Variants in MACROD2 observed in about 807,000 individuals in gnomAD.
The protein encoded by MACROD2 is ADP-ribose glycohydrolase MACROD2.
Under a neutral mutation model 70.4 loss-of-function variants are expected in MACROD2, and 36 were observed. The observed-to-expected ratio is 0.51, with a 90% CI of 0.39 to 0.68. The LOEUF is 0.68. Ranked by LOEUF, MACROD2 falls within the 30% of genes least tolerant of loss-of-function variation. The pLI, the probability that MACROD2 is intolerant of heterozygous loss-of-function variation, is 0.00. For synonymous variants in MACROD2, 172 were observed against 178.8 expected (o/e 0.96, Z 0.30); for missense variants, 496 against 538.4 (o/e 0.92, Z 0.78).
chr20:14,505,801 G>C (rs866523707), intron 4 of MACROD2, among the ~76,000 whole-genome samples: 1 of 152,158 alleles, frequency 6.6e-6, no homozygotes, highest in Non-Finnish European at 1.5e-5. Context: ...AGGATTTTAG[G>C]TTATGGCAGA....
intron 7 of MACROD2, among the ~76,000 whole-genome samples, chr20:15,498,396 C>T (rs1191335844): frequency 1.3e-5 from 2 of 152,196 alleles, no homozygotes; most frequent in Non-Finnish European, 2.9e-5. Context: ...CGCAACGTCT[C>T]TCTCTTTCTG....
At chr20:14,318,633 G>A (rs1601468749) in intron 3 of MACROD2, among the ~76,000 whole-genome samples, 1 of 152,116 alleles carries the variant, frequency 6.6e-6, no homozygotes. Flanking sequence ...GGTTATTCTT[G>A]TTCTTCTTTT....
intron 2 of MACROD2, among the ~76,000 whole-genome samples, chr20:14,058,444 A>C (rs1160087044): frequency 6.0e-5 from 9 of 150,474 alleles, no homozygotes; most frequent in African/African-American, 2.2e-4. Context: ...AAAAATACAA[A>C]AAAAAAAATG....
At chr20:14,121,491 T>A (rs1426582925) in intron 3 of MACROD2, among the ~76,000 whole-genome samples, 1 of 152,226 alleles carries the variant, frequency 6.6e-6, no homozygotes, top group African/African-American at 2.4e-5. Context: ...GGTTGGACTC[T>A]GGAGGGGTTT....
intron 8 of MACROD2, among the ~76,000 whole-genome samples, chr20:15,681,185 T>C (rs2050155181): frequency 6.6e-6 from 1 of 152,228 alleles, no homozygotes; most frequent in African/African-American, 2.4e-5. Flanking sequence ...TTGGGTCTTG[T>C]ACTCTTGGTT....
At chr20:15,541,764 A>G (rs1291822885) in intron 8 of MACROD2, among the ~76,000 whole-genome samples, 1 of 152,226 alleles carries the variant, frequency 6.6e-6, no homozygotes, top group Non-Finnish European at 1.5e-5. Context: ...GGTAGATGCT[A>G]AATACATCCA....
At position 15,292,266 on chromosome 20, in the gene MACROD2, AAAC is replaced by A. The variant is rs2077547176; in HGVS notation, c.540+62208_540+62210del. Among the ~76,000 whole-genome samples the A allele has an allele frequency of 2.0e-5, 3 of 152,340 alleles. No individual in the cohort carries two copies. In the South Asian group the frequency reaches 6.2e-4, roughly 32 times the overall value. On this transcript the variant is annotated intron_variant, in intron 6 of 17. Transcript: ENST00000684519. ...TGGTGCTTTGGAATTGTATAACTGTAAACAAGCTAATTAACTTATCTAATCTAT... is the reference window on the plus strand; with the variant it reads ...TGGTGCTTTGGAATTGTATAACTGTAAAGCTAATTAACTTATCTAATCTAT...
intron 8 of MACROD2, among the ~76,000 whole-genome samples, chr20:15,681,120 G>A (rs1465513862): frequency 1.3e-5 from 2 of 152,158 alleles, no homozygotes; most frequent in African/African-American, 4.8e-5. Context: ...TCTTACCAAG[G>A]TACAGGCAAG....
chr20:14,553,791 T>TAAAGACCA, intron 4 of MACROD2, among the ~76,000 whole-genome samples: 2 of 152,142 alleles, frequency 1.3e-5, no homozygotes, highest in Non-Finnish European at 2.9e-5. Flanking sequence ...ACCATCAAAG[T>TAAAGACCA]TGGTCTTACA....
intron 3 of MACROD2, among the ~76,000 whole-genome samples, chr20:14,328,607 CG>C (rs1432769190): frequency 6.6e-6 from 1 of 151,934 alleles, no homozygotes; most frequent in Non-Finnish European, 1.5e-5. Flanking sequence ...GTAAATTTTG[CG>C]GGGGTGAATA....
intron 9 of MACROD2, among the ~76,000 whole-genome samples, chr20:15,872,742 T>G (rs1173364419): frequency 6.6e-6 from 1 of 152,178 alleles, no homozygotes; most frequent in Non-Finnish European, 1.5e-5. Flanking sequence ...AGAAGTAAGA[T>G]AGGTTTATAG....
Position 15,860,802 on chromosome 20 carries a change from C to T in MACROD2, c.646-1943C>T, listed in dbSNP as rs186179103. On this transcript the variant is annotated intron_variant, in intron 8 of 17. Transcript: ENST00000684519. ...CTCATCATTCTCAAAAAGTTATGTGCGATATTCCTGAGGCACTTTAAATTT... is the reference window on the plus strand; with the variant it reads ...CTCATCATTCTCAAAAAGTTATGTGTGATATTCCTGAGGCACTTTAAATTT... Among the ~76,000 whole-genome samples the T allele has an allele frequency of 2.0e-4, 30 of 152,206 alleles. 1 individual carries two copies. Among genetic ancestry groups the T allele is most frequent in the African/African-American group, 5.3e-4 (22 of 41,530 alleles).
intron 7 of MACROD2, among the ~76,000 whole-genome samples, chr20:15,441,244 G>A (rs1397459320): frequency 6.6e-6 from 1 of 152,000 alleles, no homozygotes; most frequent in African/African-American, 2.4e-5. Flanking sequence ...GACTCCTCTC[G>A]TGCTCTCCAT....
At chr20:15,849,745 A>C (rs1182130542) in intron 8 of MACROD2, among the ~76,000 whole-genome samples, 1 of 152,194 alleles carries the variant, frequency 6.6e-6, no homozygotes, top group Non-Finnish European at 1.5e-5. Context: ...AAATAAAAGA[A>C]AGAGGAAGCA....
chr20:15,629,269 G>A (rs1015978855), intron 8 of MACROD2, among the ~76,000 whole-genome samples: 1 of 152,146 alleles, frequency 6.6e-6, no homozygotes, highest in Admixed American at 6.5e-5. Context: ...GTTAATATCA[G>A]ACCTTGTTAA....
intron 5 of MACROD2, among the ~76,000 whole-genome samples, chr20:14,713,843 A>G (rs1238194354): frequency 6.6e-6 from 1 of 152,226 alleles, no homozygotes; most frequent in Non-Finnish European, 1.5e-5. Context: ...TGCATGTGGT[A>G]GAATTTGAGA....
At chr20:14,276,837 T>A (rs1003071356) in intron 3 of MACROD2, among the ~76,000 whole-genome samples, 1 of 152,150 alleles carries the variant, frequency 6.6e-6, no homozygotes, top group Middle Eastern at 3.2e-3. Context: ...GGCTAATGGA[T>A]GAGATAATTT....
intron 3 of MACROD2, among the ~76,000 whole-genome samples, chr20:14,229,075 T>C (rs1455452504): frequency 6.6e-6 from 1 of 151,980 alleles, no homozygotes; most frequent in Non-Finnish European, 1.5e-5. Flanking sequence ...TTTCCAACTA[T>C]ATGTTCAACA....
chr20:14,131,577 G>A (rs758781656), intron 3 of MACROD2, among the ~76,000 whole-genome samples: 2 of 152,260 alleles, frequency 1.3e-5, no homozygotes, highest in Admixed American at 6.5e-5. Context: ...CTTGAAATCC[G>A]GTTAGTTTTT....
Sources: gnomAD v4.1 joint callset for allele counts (sites outside exome capture counted in the v4.1 genomes callset) on GRCh38, gnomAD v4.1.1 for gene constraint, MANE v1.5 for transcripts, NCBI Gene and HGNC (gene_info 2026-07-23, HGNC 2026-07-21) for gene names.